Variants in IL1RAPL2 observed in about 807,000 individuals in gnomAD.
IL1RAPL2 encodes X-linked interleukin-1 receptor accessory protein-like 2.
A neutral mutation model predicts 44.1 loss-of-function variants in IL1RAPL2; 3 were observed. The ratio of observed to expected loss-of-function variants is 0.07; its 90% CI spans 0.03 to 0.18. The LOEUF is 0.18. Among genes scored for constraint, IL1RAPL2 ranks in the 10% least tolerant of loss-of-function variants. IL1RAPL2 has a pLI of 1.00. For synonymous variants in IL1RAPL2, 181 were observed against 178.8 expected (o/e 1.01, Z -0.10); for missense variants, 391 against 496.4 (o/e 0.79, Z 2.02).
At chrX:105,413,389 A>ATTTTCCTTTTC in intron 5 of IL1RAPL2, among the ~76,000 whole-genome samples, 1 of 111,432 alleles carries the variant, frequency 9.0e-6, no homozygotes, top group South Asian at 3.8e-4. Flanking sequence ...GTAATCAGAA[A>ATTTTCCTTTTC]GGTCCTTATA....
intron 5 of IL1RAPL2, among the ~76,000 whole-genome samples, chrX:105,402,505 T>C (rs2147735851): frequency 8.9e-6 from 1 of 111,812 alleles, no homozygotes; most frequent in African/African-American, 3.2e-5. Flanking sequence ...TCATATCTTT[T>C]ATGTCTCCAT....
chrX:105,286,229 C>A (rs1370170139), intron 5 of IL1RAPL2, among the ~76,000 whole-genome samples: 1 of 110,689 alleles, frequency 9.0e-6, no homozygotes, highest in Non-Finnish European at 1.9e-5. Context: ...GTTTCAAATT[C>A]TTTTCTTACC....
intron 5 of IL1RAPL2, among the ~76,000 whole-genome samples, chrX:105,271,722 T>A (rs1157178963): frequency 9.0e-6 from 1 of 110,573 alleles, no homozygotes; most frequent in Non-Finnish European, 1.9e-5. Flanking sequence ...CCTCGAGCAG[T>A]GGTTTGTAGT....
intron 6 of IL1RAPL2, among the ~76,000 whole-genome samples, chrX:105,662,453 T>C (rs2037727380): frequency 8.9e-6 from 1 of 111,900 alleles, no homozygotes; most frequent in South Asian, 3.7e-4. Flanking sequence ...CATCAACTGA[T>C]ACAAGGAAAG....
At chrX:105,153,510 G>A (rs1395360004) in intron 2 of IL1RAPL2, among the ~76,000 whole-genome samples, 1 of 111,898 alleles carries the variant, frequency 8.9e-6, no homozygotes, top group Admixed American at 9.5e-5. Context: ...AATTTAAATA[G>A]AGGCTTATTT....
chrX:104,633,319 C>T (rs1483123587), intron 1 of IL1RAPL2, among the ~76,000 whole-genome samples: 2 of 111,528 alleles, frequency 1.8e-5, no homozygotes, highest in Non-Finnish European at 3.8e-5. Context: ...TGTTGTCTCT[C>T]TGCCAGGCTT....
At chrX:104,611,482 G>A (rs1329719598) in intron 1 of IL1RAPL2, among the ~76,000 whole-genome samples, 2 of 110,753 alleles carry the variant, frequency 1.8e-5, no homozygotes, top group African/African-American at 3.3e-5. Flanking sequence ...CAGCAGTGGT[G>A]GACGCCCCTC....
chrX:105,519,016 T>C (rs1217680771), intron 6 of IL1RAPL2, among the ~76,000 whole-genome samples: 1 of 111,588 alleles, frequency 9.0e-6, no homozygotes, highest in Non-Finnish European at 1.9e-5. Context: ...TACTATCATT[T>C]ATAGGTGAGG....
chrX:104,935,084 TA>T (rs1924995662), intron 2 of IL1RAPL2, among the ~76,000 whole-genome samples: 1 of 112,019 alleles, frequency 8.9e-6, no homozygotes, highest in African/African-American at 3.2e-5. Context: ...CTGTGCCTAA[TA>T]ATATTGTTGC....
intron 2 of IL1RAPL2, among the ~76,000 whole-genome samples, chrX:104,813,766 T>C (rs1569319382): frequency 9.0e-6 from 1 of 111,602 alleles, no homozygotes; most frequent in Non-Finnish European, 1.9e-5. Flanking sequence ...CTGCCAGCTA[T>C]CCAGAAAATG....
chrX:105,714,151 A>G (rs748134674), intron 6 of IL1RAPL2, among the ~76,000 whole-genome samples: 12 of 111,241 alleles, frequency 1.1e-4, no homozygotes, highest in African/African-American at 3.9e-4. Context: ...CTTGTTTCTC[A>G]TTTCTTTCTG....
intron 2 of IL1RAPL2, among the ~76,000 whole-genome samples, chrX:105,072,226 C>T (rs1194888868): frequency 8.9e-6 from 1 of 111,742 alleles, no homozygotes; most frequent in Non-Finnish European, 1.9e-5. Flanking sequence ...TGCATGCCTG[C>T]TTCCCTTTCT....
intron 1 of IL1RAPL2, among the ~76,000 whole-genome samples, chrX:104,657,679 A>G (rs960637940): frequency 9.0e-6 from 1 of 111,661 alleles, no homozygotes; most frequent in Non-Finnish European, 1.9e-5. Context: ...ATCAGAGTGA[A>G]CAGGCAACCT....
chrX:105,241,490 G>A (rs2034170405), intron 4 of IL1RAPL2, among the ~76,000 whole-genome samples: 1 of 111,492 alleles, frequency 9.0e-6, no homozygotes, highest in African/African-American at 3.3e-5. Context: ...AAGAAAGAAA[G>A]CCAAATTTCA....
intron 3 of IL1RAPL2, among the ~76,000 whole-genome samples, chrX:105,214,950 A>G (rs2033841202): frequency 8.9e-6 from 1 of 112,603 alleles, no homozygotes; most frequent in Non-Finnish European, 1.9e-5. Context: ...TCTCTGGGAC[A>G]CAGCTGAAGC....
chrX:105,030,927 G>A (rs2031480412), intron 2 of IL1RAPL2, among the ~76,000 whole-genome samples: 1 of 111,066 alleles, frequency 9.0e-6, no homozygotes, highest in East Asian at 2.9e-4. Flanking sequence ...ACTGAGCAGT[G>A]GTTTGTAGTT....
At chrX:105,018,106 A>G (rs1485475153) in intron 2 of IL1RAPL2, among the ~76,000 whole-genome samples, 1 of 111,625 alleles carries the variant, frequency 9.0e-6, no homozygotes, top group Non-Finnish European at 1.9e-5. Context: ...CTTAAAGGGC[A>G]ATTTAAATAG....
intron 1 of IL1RAPL2, among the ~76,000 whole-genome samples, chrX:104,582,596 T>TTCTTTCTTTTTCTTTC (rs1387907561): frequency 1.1e-4 from 6 of 52,195 alleles, no homozygotes; most frequent in East Asian, 7.3e-4. Context: ...CTTTCTTTCT[T>TTCTTTCTTTTTCTTTC]TTTCTTTCTT....
At chrX:105,338,286 A>G (rs1293473163) in intron 5 of IL1RAPL2, among the ~76,000 whole-genome samples, 1 of 111,910 alleles carries the variant, frequency 8.9e-6, no homozygotes, top group Non-Finnish European at 1.9e-5. Context: ...AGAATTACTC[A>G]TATACTCTTT....
Sources: allele counts gnomAD v4.1 joint callset (sites outside exome capture counted in the v4.1 genomes callset), GRCh38; gene constraint gnomAD v4.1.1; transcripts MANE v1.5; gene names NCBI Gene and HGNC (gene_info 2026-07-23, HGNC 2026-07-21).